The following NPAS3 variants were observed in gnomAD, a reference collection of about 807,000 sequenced individuals.
NPAS3 encodes neuronal PAS domain protein 3, also known as neuronal PAS domain-containing protein 3.
A neutral mutation model predicts 73.1 loss-of-function variants in NPAS3; 14 were observed. The ratio of observed to expected loss-of-function variants is 0.19; its 90% CI spans 0.13 to 0.30. The LOEUF (loss-of-function observed/expected upper bound fraction) is 0.30, where lower values mean the gene tolerates loss of function less well. Among genes scored for constraint, NPAS3 ranks in the 10% least tolerant of loss-of-function variants. The probability of loss-of-function intolerance (pLI) is 1.00; values close to 1 mark genes in which losing one functional copy is unlikely to be tolerated. For synonymous variants in NPAS3, 620 were observed against 541.5 expected (o/e 1.14, Z -2.01); for missense variants, 1,096 against 1,250.0 (o/e 0.88, Z 1.86).
At chr14:33,305,965 C>T (rs79202008) in intron 3 of NPAS3, among the ~76,000 whole-genome samples, 2 of 152,084 alleles carry the variant, frequency 1.3e-5, no homozygotes, top group African/African-American at 2.4e-5. Flanking sequence ...GTATGCTGAC[C>T]TAGGAGTAGG....
chr14:33,375,801 G>C (rs984871132), intron 4 of NPAS3, among the ~76,000 whole-genome samples: 15 of 152,146 alleles, frequency 9.9e-5, no homozygotes, highest in African/African-American at 3.6e-4. Flanking sequence ...ATATGTATAT[G>C]AATGAATCGT....
chr14:33,602,570 G>C (rs1191046164), intron 5 of NPAS3, among the ~76,000 whole-genome samples: 1 of 152,194 alleles, frequency 6.6e-6, no homozygotes, highest in Non-Finnish European at 1.5e-5. Context: ...TGCAGCAGAA[G>C]GGCCCACACC....
chr14:33,534,934 C>G (rs1371777329), intron 4 of NPAS3, among the ~76,000 whole-genome samples: 2 of 152,146 alleles, frequency 1.3e-5, no homozygotes, highest in African/African-American at 2.4e-5. Flanking sequence ...TGTGCTGTGT[C>G]TGCTTTAAAG....
intron 5 of NPAS3, among the ~76,000 whole-genome samples, chr14:33,654,213 T>C (rs2140243901): frequency 6.6e-6 from 1 of 152,310 alleles, no homozygotes; most frequent in South Asian, 2.1e-4. Context: ...AATGGAATAT[T>C]TAATTAATAA....
intron 2 of NPAS3, among the ~76,000 whole-genome samples, chr14:33,112,279 T>C (rs1193607237): frequency 1.3e-5 from 2 of 152,144 alleles, no homozygotes; most frequent in South Asian, 2.1e-4. Flanking sequence ...AGTTTACAGT[T>C]CCACCAACAG....
At chr14:33,625,840 A>AT (rs562555322) in intron 5 of NPAS3, among the ~76,000 whole-genome samples, 221 of 152,316 alleles carry the variant, frequency 1.5e-3, no homozygotes, top group Admixed American at 2.7e-3. Flanking sequence ...AGAATTCATG[A>AT]TTTTTCAATC....
rs1270388764 is a variant in NPAS3 at position 33,188,956 on chromosome 14, GAT to G, written c.141-26225_141-26224del. 2.6e-5 allele frequency among the ~76,000 whole-genome samples: 4 copies of G among 152,170 alleles called. No individual in the cohort carries two copies. In the South Asian group the frequency reaches 8.3e-4, roughly 32 times the overall value. On this transcript the variant is annotated intron_variant, in intron 2 of 11. Coordinates refer to ENST00000356141, the Ensembl canonical transcript of NPAS3. ...GTAATTTTTCAGAGATTTTGAGACA[GAT>G]TGTTCCTCAATAGCCTTTATTTGCT...
intron 6 of NPAS3, among the ~76,000 whole-genome samples, chr14:33,714,137 A>G (rs2060895774): frequency 6.6e-6 from 1 of 152,198 alleles, no homozygotes; most frequent in East Asian, 1.9e-4. Context: ...AAGTATAATA[A>G]TAATAAAATT....
intron 5 of NPAS3, among the ~76,000 whole-genome samples, chr14:33,645,761 T>A (rs6571607): frequency 0.4 from 60,355 of 152,116 alleles, 12,353 homozygotes; most frequent in Non-Finnish European, 0.47. Context: ...CCTGTGTGCC[T>A]AATGATAATC....
At chr14:33,052,864 G>A (rs540458915) in intron 1 of NPAS3, among the ~76,000 whole-genome samples, 4 of 151,858 alleles carry the variant, frequency 2.6e-5, no homozygotes, top group Admixed American at 2.6e-4. Context: ...TTTTTAAGGA[G>A]GTTTAATATC....
At chr14:33,404,850 G>T (rs2047595211) in intron 4 of NPAS3, among the ~76,000 whole-genome samples, 2 of 152,112 alleles carry the variant, frequency 1.3e-5, no homozygotes, top group Non-Finnish European at 2.9e-5. Flanking sequence ...TATTCAGGGA[G>T]TTCTAACGCC....
At chr14:33,390,669 T>C (rs540033312) in intron 4 of NPAS3, among the ~76,000 whole-genome samples, 2 of 152,306 alleles carry the variant, frequency 1.3e-5, no homozygotes, top group South Asian at 4.1e-4. Flanking sequence ...TTTTCCTTCC[T>C]TTAATCTTTG....
chr14:33,349,809 G>C (rs2044941599), intron 3 of NPAS3, among the ~76,000 whole-genome samples: 1 of 152,220 alleles, frequency 6.6e-6, no homozygotes, highest in Non-Finnish European at 1.5e-5. Context: ...CCTGCTCAAA[G>C]GGAGCGAGGA....
intron 3 of NPAS3, among the ~76,000 whole-genome samples, chr14:33,329,144 C>A (rs1450024502): frequency 6.6e-6 from 1 of 152,120 alleles, no homozygotes; most frequent in Non-Finnish European, 1.5e-5. Context: ...GAATGGACAT[C>A]CATTCGCAGA....
intron 2 of NPAS3, among the ~76,000 whole-genome samples, chr14:33,079,156 A>T (rs61306351): frequency 0.1 from 15,631 of 152,066 alleles, 1,337 homozygotes; most frequent in African/African-American, 0.23. Flanking sequence ...TATTTTCAGT[A>T]CCATTTTTCA....
chr14:33,655,658 G>C (rs768174624), intron 5 of NPAS3, among the ~76,000 whole-genome samples: 4 of 152,178 alleles, frequency 2.6e-5, no homozygotes, highest in Non-Finnish European at 5.9e-5. Context: ...GAAGCCCAAA[G>C]AATCCTTTTC....
At chr14:33,597,547 G>A (rs2057280437) in intron 5 of NPAS3, among the ~76,000 whole-genome samples, 1 of 152,214 alleles carries the variant, frequency 6.6e-6, no homozygotes, top group African/African-American at 2.4e-5. Context: ...TTTAGAAACA[G>A]GTTTAGCTCC....
intron 5 of NPAS3, among the ~76,000 whole-genome samples, chr14:33,597,056 C>T (rs1027410303): frequency 7.9e-5 from 12 of 152,114 alleles, no homozygotes; most frequent in Admixed American, 4.6e-4. Flanking sequence ...AAATCAAAGG[C>T]GGTCTTGTAA....
At chr14:33,585,507 A>T (rs1387409276) in intron 5 of NPAS3, among the ~76,000 whole-genome samples, 1 of 152,150 alleles carries the variant, frequency 6.6e-6, no homozygotes, top group African/African-American at 2.4e-5. Flanking sequence ...AAACTAAGTA[A>T]CATCTCAAGG....
Sources: gnomAD v4.1 joint callset for allele counts (sites outside exome capture counted in the v4.1 genomes callset) on GRCh38, gnomAD v4.1.1 for gene constraint, MANE v1.5 for transcripts, NCBI Gene and HGNC (gene_info 2026-07-23, HGNC 2026-07-21) for gene names.